The following PRMT9 variants were observed in gnomAD, a reference collection of about 807,000 sequenced individuals.
PRMT9 encodes the protein protein arginine methyltransferase 9.
Under a neutral mutation model 83.2 loss-of-function variants are expected in PRMT9, and 59 were observed. The ratio of observed to expected loss-of-function variants is 0.71; its 90% CI spans 0.57 to 0.88. The LOEUF (loss-of-function observed/expected upper bound fraction) is 0.88, where lower values mean the gene tolerates loss of function less well. Among genes scored for constraint, PRMT9 ranks in the 40% least tolerant of loss-of-function variants. The pLI, the probability that PRMT9 is intolerant of heterozygous loss-of-function variation, is 0.00. For missense variants in PRMT9, 947 were observed against 1,021.9 expected (o/e 0.93, Z 1.00); for synonymous variants, 333 against 353.2 (o/e 0.94, Z 0.64).
At chr4:147,678,581 G>A (rs1419919826) in intron 2 of PRMT9, among the ~76,000 whole-genome samples, 1 of 152,160 alleles carries the variant, frequency 6.6e-6, no homozygotes, top group African/African-American at 2.4e-5. Context: ...TTTGGGGAGG[G>A]TTCTCACTAT....
intron 8 of PRMT9, among the ~76,000 whole-genome samples, chr4:147,657,135 C>T (rs1044396019): frequency 6.6e-6 from 1 of 152,000 alleles, no homozygotes; most frequent in Non-Finnish European, 1.5e-5. Flanking sequence ...CAGACGTTAT[C>T]GGCTTCTCTA....
At chr4:147,658,062 T>C in intron 7 of PRMT9, 87 bp from the exon 8 acceptor site, 1 of 929,686 alleles carries the variant, frequency 1.1e-6, no homozygotes, top group Non-Finnish European at 1.7e-6. Context: ...TCTCTGGAGT[T>C]CTTAGTCCTG....
chr4:147,649,791 C>T (rs1733976016), intron 9 of PRMT9, among the ~76,000 whole-genome samples: 1 of 152,178 alleles, frequency 6.6e-6, no homozygotes, highest in East Asian at 1.9e-4. Context: ...AGGCATGAGC[C>T]ACCGCATCCA....
chr4:147,680,358 TTCA>T lies in PRMT9; in HGVS notation c.300_302del (p.Asp100del). 2 of 1,614,150 alleles carry T rather than the reference TTCA, an allele frequency of 1.2e-6. No homozygotes were observed. Among genetic ancestry groups the T allele is most frequent in the East Asian group, 4.5e-5 (2 of 44,874 alleles). ...GCTCCCCCATACTATTGCAAATCAC[TTCA>T]TCATCAGGAAACAGTTCCAAGGCCT... On this transcript the variant is annotated inframe_deletion, in exon 2 of 12. Transcript: ENST00000322396.
At chr4:147,650,638 C>G (rs1359729166) in intron 9 of PRMT9, among the ~76,000 whole-genome samples, 9 of 152,066 alleles carry the variant, frequency 5.9e-5, no homozygotes, top group Non-Finnish European at 1.3e-4. Flanking sequence ...AAAATTTACC[C>G]TAAAATTTAT....
At chr4:147,642,397 C>A (rs909175711) in intron 10 of PRMT9, among the ~76,000 whole-genome samples, 5 of 152,008 alleles carry the variant, frequency 3.3e-5, no homozygotes, top group Non-Finnish European at 7.4e-5. Flanking sequence ...CACCACCACA[C>A]CTGGCTAATT....
chr4:147,675,441 GTTATT>G (rs1406809297), intron 2 of PRMT9, among the ~76,000 whole-genome samples: 2 of 152,288 alleles, frequency 1.3e-5, no homozygotes, highest in East Asian at 1.9e-4. Context: ...GTTAATATAT[GTTATT>G]TTAAGTTATC....
chr4:147,654,208 A>G lies in PRMT9; in HGVS notation c.1689T>C (p.Asn563=). The G allele has an allele frequency of 6.2e-7, 1 of 1,613,310 alleles. No individual in the cohort carries two copies. Among genetic ancestry groups the G allele is most frequent in the Non-Finnish European group, 8.5e-7 (1 of 1,179,188 alleles). ...LYQTMDTHCQ[N]EMSSGTGQSN... ...TCTGTCCAGTTCCAGAGCTCATCTC[A>G]TTCTGACAGTGAGTATCCATGGTCT... Residue 563 remains asparagine (N), a synonymous_variant, in exon 9 of 12, where the codon AAT becomes AAC. Coordinates refer to ENST00000322396, the MANE Select transcript of PRMT9 (RefSeq NM_138364.4).
chr4:147,652,012 A>G (rs1380539719), intron 9 of PRMT9, among the ~76,000 whole-genome samples: 1 of 152,214 alleles, frequency 6.6e-6, no homozygotes, highest in Non-Finnish European at 1.5e-5. Flanking sequence ...ATGTGGCTAT[A>G]AAGTGATTAT....
At chr4:147,678,096 G>A (rs1157131378) in intron 2 of PRMT9, among the ~76,000 whole-genome samples, 1 of 152,174 alleles carries the variant, frequency 6.6e-6, no homozygotes, top group Non-Finnish European at 1.5e-5. Context: ...AGTCTAGTGA[G>A]CCACGCAAGG....
intron 4 of PRMT9, among the ~76,000 whole-genome samples, chr4:147,672,287 T>C (rs1198020403): frequency 2.0e-5 from 3 of 152,240 alleles, no homozygotes; most frequent in African/African-American, 7.2e-5. Context: ...AAACATCTTC[T>C]TTCAATACAA....
At chr4:147,658,405 GA>G (rs911244582) in intron 7 of PRMT9, among the ~76,000 whole-genome samples, 1 of 152,030 alleles carries the variant, frequency 6.6e-6, no homozygotes, top group Non-Finnish European at 1.5e-5. Context: ...GTACAGAAAA[GA>G]AAGTCTGGAA....
intron 10 of PRMT9, chr4:147,639,369 T>C: frequency 2.9e-6 from 1 of 339,228 alleles, no homozygotes. Context: ...TTCATTTGGA[T>C]GAGAGCAGAT....
intron 1 of PRMT9, 65 bp downstream of exon 1, chr4:147,683,734 T>TTA: frequency 1.4e-6 from 1 of 708,174 alleles, no homozygotes; most frequent in Non-Finnish European, 2.1e-6. Context: ...TTTTTTTTTC[T>TTA]GTTTTTTTTT....
At position 147,684,119 on chromosome 4, in the gene PRMT9, G is replaced by A. The variant is rs1044066813; in HGVS notation, c.-132C>T. Reference sequence around the variant, plus strand: ...ACAGCAAAGTTACCCTCCGCCGCGGGTGAACTCGCCAACCCCAGCCCAGGC... The same window carrying A: ...ACAGCAAAGTTACCCTCCGCCGCGGATGAACTCGCCAACCCCAGCCCAGGC... On this transcript the variant is annotated 5_prime_UTR_variant, in exon 1 of 12. Transcript: ENST00000322396. The A allele has an allele frequency of 1.4e-5, 15 of 1,093,202 alleles. No homozygotes were observed. Among genetic ancestry groups the A allele is most frequent in the Non-Finnish European group, 1.9e-5 (14 of 747,882 alleles). 67.7% of individuals were successfully genotyped at this position (1,093,202 alleles called of 1,614,324 possible).
At chr4:147,662,311 A>G (rs142981999) in intron 6 of PRMT9, among the ~76,000 whole-genome samples, 1 of 152,346 alleles carries the variant, frequency 6.6e-6, no homozygotes, top group African/African-American at 2.4e-5. Flanking sequence ...TAGAAGTCAG[A>G]TAGTAGGTGC....
rs200252024 is a variant in PRMT9, at chr4:147,672,950, T to A, written c.743+9A>T. On this transcript the variant is annotated intron_variant, in intron 4 of 11. Coordinates refer to ENST00000322396, the MANE Select transcript of PRMT9 (RefSeq NM_138364.4). ...GTATAAACACTAAAATTAGTTTACA[T>A]GATAATACCTTTCGGGAATATGTTT... 2 of 1,610,128 alleles carry A rather than the reference T, an allele frequency of 1.2e-6. No homozygotes were observed. Among genetic ancestry groups the A allele is most frequent in the African/African-American group, 1.3e-5 (1 of 74,844 alleles).
chr4:147,679,518 CGGGTGGAT>C (rs1736317537), intron 2 of PRMT9, among the ~76,000 whole-genome samples: 1 of 151,894 alleles, frequency 6.6e-6, no homozygotes, highest in Non-Finnish European at 1.5e-5. Context: ...GAGGCTGAGG[CGGGTGGAT>C]CGCTTGAGGT....
chr4:147,680,209 C>T, intron 2 of PRMT9, 114 bp downstream of exon 2: 3 of 978,926 alleles, frequency 3.1e-6, no homozygotes. Flanking sequence ...CTTTTCAATT[C>T]TCCTTAATAA....
Sources: gnomAD v4.1 joint callset for allele counts (sites outside exome capture counted in the v4.1 genomes callset) on GRCh38, gnomAD v4.1.1 for gene constraint, MANE v1.5 for transcripts, NCBI Gene and HGNC (gene_info 2026-07-23, HGNC 2026-07-21) for gene names.